The following KCNH1 variants were observed in gnomAD, a reference collection of about 807,000 sequenced individuals.
The protein encoded by KCNH1 is voltage-gated delayed rectifier potassium channel KCNH1.
A neutral mutation model predicts 69.2 loss-of-function variants in KCNH1; 27 were observed. The observed-to-expected ratio is 0.39, with a 90% CI of 0.29 to 0.54. KCNH1 has a LOEUF of 0.54. Among genes scored for constraint, KCNH1 ranks in the 20% least tolerant of loss-of-function variants. The pLI is 0.68. For missense variants in KCNH1, 798 were observed against 1,261.6 expected (o/e 0.63, Z 5.57); for synonymous variants, 456 against 487.7 (o/e 0.93, Z 0.86).
intron 1 of KCNH1, among the ~76,000 whole-genome samples, chr1:211,122,254 T>C (rs566294397): frequency 6.6e-6 from 1 of 151,934 alleles, no homozygotes; most frequent in East Asian, 1.9e-4. Context: ...ATCAGAGAAA[T>C]GCAAATCAAA....
intron 3 of KCNH1, among the ~76,000 whole-genome samples, chr1:211,098,010 T>C (rs1362578029): frequency 6.6e-6 from 1 of 152,236 alleles, no homozygotes; most frequent in Non-Finnish European, 1.5e-5. Flanking sequence ...ACTTCATTAA[T>C]GACAACTGTC....
At chr1:211,131,009 G>C (rs1691865165) in intron 1 of KCNH1, among the ~76,000 whole-genome samples, 1 of 152,092 alleles carries the variant, frequency 6.6e-6, no homozygotes. Flanking sequence ...TGCTTCTTGA[G>C]AGAATATAAT....
chr1:211,069,298 C>T (rs1420197101), intron 5 of KCNH1, among the ~76,000 whole-genome samples: 9 of 113,956 alleles, frequency 7.9e-5, no homozygotes, highest in Non-Finnish European at 1.3e-4. Flanking sequence ...CCCCACCCTA[C>T]CATCACATTA....
At chr1:210,961,437 T>C (rs980470522) in intron 6 of KCNH1, among the ~76,000 whole-genome samples, 2 of 152,218 alleles carry the variant, frequency 1.3e-5, no homozygotes, top group Non-Finnish European at 2.9e-5. Flanking sequence ...TCGACATGTT[T>C]TTTCCTTTGT....
intron 6 of KCNH1, 142 bp from the exon 7 acceptor site, chr1:210,920,211 T>A (rs1465838343): frequency 2.9e-6 from 2 of 691,710 alleles, no homozygotes; most frequent in African/African-American, 1.8e-5. Flanking sequence ...AAAGTAAAAT[T>A]AGAATTTTAT....
chr1:210,890,857 G>A (rs1197759294), intron 7 of KCNH1, among the ~76,000 whole-genome samples: 2 of 152,190 alleles, frequency 1.3e-5, no homozygotes, highest in Admixed American at 6.5e-5. Flanking sequence ...TCCCACAGCA[G>A]TTAGAATGAC....
chr1:211,131,056 T>C (rs769217261), intron 1 of KCNH1, among the ~76,000 whole-genome samples: 2 of 152,178 alleles, frequency 1.3e-5, no homozygotes, highest in Non-Finnish European at 1.5e-5. Flanking sequence ...TGGTGTACCA[T>C]AAAGAATCTG....
chr1:211,017,044 A>G (rs1406512559), intron 6 of KCNH1, among the ~76,000 whole-genome samples: 1 of 151,872 alleles, frequency 6.6e-6, no homozygotes, highest in Non-Finnish European at 1.5e-5. Flanking sequence ...CACACAAGCT[A>G]CCCCAGAGAA....
intron 6 of KCNH1, among the ~76,000 whole-genome samples, chr1:210,980,769 G>A (rs900253148): frequency 8.6e-5 from 13 of 152,030 alleles, no homozygotes; most frequent in Non-Finnish European, 1.6e-4. Context: ...TATATATTGA[G>A]AAGCAACAAA....
chr1:210,769,191 C>T (rs1325852716), intron 10 of KCNH1, among the ~76,000 whole-genome samples: 2 of 152,124 alleles, frequency 1.3e-5, no homozygotes, highest in Admixed American at 1.3e-4. Context: ...TTTTAAGTAC[C>T]TAGCTTTATG....
chr1:210,699,531 C>T (rs1003877252), intron 10 of KCNH1, among the ~76,000 whole-genome samples: 2 of 152,288 alleles, frequency 1.3e-5, no homozygotes, highest in Admixed American at 6.5e-5. Flanking sequence ...AGGCAGCAAG[C>T]GCAGCCACTT....
chr1:210,815,865 C>T (rs1574273630), intron 7 of KCNH1, among the ~76,000 whole-genome samples: 3 of 152,152 alleles, frequency 2.0e-5, no homozygotes, highest in Non-Finnish European at 2.9e-5. Flanking sequence ...GATAAGGCAC[C>T]GGAGGTAACA....
At chr1:210,761,533 TAA>T in intron 10 of KCNH1, among the ~76,000 whole-genome samples, 1 of 152,246 alleles carries the variant, frequency 6.6e-6, no homozygotes, top group East Asian at 1.9e-4. Context: ...AGACTCAATG[TAA>T]AGAGATGGCA....
At chr1:210,703,982 C>CAAG (rs914464143) in intron 10 of KCNH1, among the ~76,000 whole-genome samples, 1 of 152,078 alleles carries the variant, frequency 6.6e-6, no homozygotes, top group African/African-American at 2.4e-5. Flanking sequence ...CCCCATAGGC[C>CAAG]AAGTGCTCTA....
At position 211,097,418 on chromosome 1, in the gene KCNH1, G is replaced by T. The variant is rs539381782; in HGVS notation, c.310+6078C>A. Among the ~76,000 whole-genome samples the T allele has an allele frequency of 7.9e-5, 12 of 151,908 alleles. No individual in the cohort carries two copies. In the South Asian group the frequency reaches 1.7e-3, roughly 21 times the overall value. On this transcript the variant is annotated intron_variant, in intron 3 of 10. Transcript: ENST00000271751. ...AAAGGAAAACGCTGACATAAAACTT[G>T]TTCACTTCTAAATGGTTTTTAAAAA...
At chr1:210,865,729 G>A (rs1473638002) in intron 7 of KCNH1, among the ~76,000 whole-genome samples, 2 of 152,204 alleles carry the variant, frequency 1.3e-5, no homozygotes, top group Admixed American at 6.5e-5. Context: ...ATTTTCCAAA[G>A]TAGGGAGAAA....
chr1:210,869,853 A>C (rs1198925843), intron 7 of KCNH1, among the ~76,000 whole-genome samples: 3 of 152,078 alleles, frequency 2.0e-5, no homozygotes, highest in African/African-American at 7.2e-5. Context: ...TTCAACTTAC[A>C]GATACCTGGT....
At chr1:210,886,000 T>G (rs1686596333) in intron 7 of KCNH1, among the ~76,000 whole-genome samples, 2 of 152,108 alleles carry the variant, frequency 1.3e-5, no homozygotes, top group South Asian at 4.1e-4. Context: ...GCCTGCTGGC[T>G]CAGAAGAGAG....
chr1:210,942,192 C>T (rs1687888891), intron 6 of KCNH1, among the ~76,000 whole-genome samples: 1 of 152,270 alleles, frequency 6.6e-6, no homozygotes, highest in South Asian at 2.1e-4. Context: ...ATAACCAAAA[C>T]TTTTGAGAAT....
Sources: allele counts gnomAD v4.1 joint callset (sites outside exome capture counted in the v4.1 genomes callset), GRCh38; gene constraint gnomAD v4.1.1; transcripts MANE v1.5; gene names NCBI Gene and HGNC (gene_info 2026-07-23, HGNC 2026-07-21).